The following COX7B2 variants were observed in gnomAD, a reference collection of about 807,000 sequenced individuals.
The protein encoded by COX7B2 is cytochrome c oxidase subunit 7B2, mitochondrial.
For missense variants in COX7B2, 109 were observed against 95.9 expected (o/e 1.14, Z -0.57); for synonymous variants, 37 against 32.1 (o/e 1.15, Z -0.51).
intron 1 of COX7B2, among the ~76,000 whole-genome samples, chr4:46,904,611 T>C (rs927610617): frequency 1.3e-5 from 2 of 152,134 alleles, no homozygotes; most frequent in African/African-American, 4.8e-5. Flanking sequence ...GTACAACATA[T>C]ACAGGGAGAA....
At chr4:46,872,343 G>A (rs55676774) in intron 1 of COX7B2, among the ~76,000 whole-genome samples, 57,848 of 151,772 alleles carry the variant, frequency 0.38, 11,132 homozygotes, top group South Asian at 0.49. Flanking sequence ...TGGGAGGAAG[G>A]AAAGGAGCAG....
intron 2 of COX7B2, among the ~76,000 whole-genome samples, chr4:46,830,141 T>A (rs1156887828): frequency 6.6e-6 from 1 of 151,590 alleles, no homozygotes; most frequent in Non-Finnish European, 1.5e-5. Context: ...CTGGCCAACA[T>A]GGTGAAACCC....
intron 2 of COX7B2, among the ~76,000 whole-genome samples, chr4:46,770,509 CATAAG>C (rs1380056565): frequency 6.6e-6 from 1 of 151,858 alleles, no homozygotes; most frequent in Non-Finnish European, 1.5e-5. Flanking sequence ...CATATGGAAC[CATAAG>C]ATAAAAGAAT....
chr4:46,875,149 CA>C (rs1376578964), intron 1 of COX7B2, among the ~76,000 whole-genome samples: 1 of 152,142 alleles, frequency 6.6e-6, no homozygotes, highest in African/African-American at 2.4e-5. Context: ...CTTTCACTAC[CA>C]GTTCTTTGTA....
chr4:46,778,620 T>A (rs1717284462), intron 2 of COX7B2, among the ~76,000 whole-genome samples: 1 of 152,198 alleles, frequency 6.6e-6, no homozygotes, highest in African/African-American at 2.4e-5. Flanking sequence ...TTGATGCTAA[T>A]GTGTGAGATG....
intron 2 of COX7B2, among the ~76,000 whole-genome samples, chr4:46,775,203 T>G (rs572439545): frequency 6.6e-6 from 1 of 152,126 alleles, no homozygotes; most frequent in African/African-American, 2.4e-5. Context: ...ATATTCTTTA[T>G]GAAACATAAG....
At chr4:46,858,400 G>C (rs113997636) in intron 1 of COX7B2, among the ~76,000 whole-genome samples, 20 of 151,984 alleles carry the variant, frequency 1.3e-4, no homozygotes, top group Admixed American at 1.3e-4. Flanking sequence ...TGGCCACATC[G>C]CTTATATTTT....
intron 2 of COX7B2, among the ~76,000 whole-genome samples, chr4:46,778,808 T>C (rs1174354528): frequency 2.0e-5 from 3 of 152,136 alleles, no homozygotes; most frequent in African/African-American, 7.2e-5. Flanking sequence ...TGAAACTAAA[T>C]TTTCACTGTA....
At chr4:46,908,763 C>A (rs1336088326) in intron 1 of COX7B2, among the ~76,000 whole-genome samples, 1 of 103,728 alleles carries the variant, frequency 9.6e-6, no homozygotes, top group African/African-American at 3.4e-5. Context: ...AAAATCTGGC[C>A]GGGCGCAGTG....
Position 46,751,985 on chromosome 4 carries a change from T to C in COX7B2, c.-49-16744A>G, listed in dbSNP as rs565074212. On this transcript the variant is annotated intron_variant, in intron 2 of 2. Coordinates refer to ENST00000355591, the MANE Select transcript of COX7B2 (RefSeq NM_130902.3). The stretch of plus-strand genomic sequence containing the variant: ...AATTCGTAGCTTGATGGGGATGGCA[T>C]TGAATCTATAAGTTACCTTGGGCAG... 5.3e-5 allele frequency among the ~76,000 whole-genome samples: 8 copies of C among 152,282 alleles called. No homozygotes were observed. The South Asian group carries it at 1.7e-3, about 32-fold the overall frequency.
chr4:46,777,987 T>A (rs1717250461), intron 2 of COX7B2, among the ~76,000 whole-genome samples: 1 of 152,056 alleles, frequency 6.6e-6, no homozygotes. Context: ...TGTACTGACA[T>A]GGTGTCTGGC....
intron 2 of COX7B2, among the ~76,000 whole-genome samples, chr4:46,766,553 T>A (rs1004459685): frequency 2.0e-5 from 3 of 151,658 alleles, no homozygotes; most frequent in Non-Finnish European, 4.4e-5. Context: ...TAAAAAAAAA[T>A]TAGCCAGACG....
chr4:46,893,613 G>T (rs755162059), intron 1 of COX7B2, among the ~76,000 whole-genome samples: 17 of 152,098 alleles, frequency 1.1e-4, no homozygotes, highest in Admixed American at 3.3e-4. Flanking sequence ...AATGCTAGAG[G>T]CTTATTCATG....
At chr4:46,778,797 G>A (rs1389461859) in intron 2 of COX7B2, among the ~76,000 whole-genome samples, 1 of 152,076 alleles carries the variant, frequency 6.6e-6, no homozygotes. Context: ...AGAATAATCA[G>A]TGAAACTAAA....
chr4:46,882,304 C>G (rs1289800989), intron 1 of COX7B2, among the ~76,000 whole-genome samples: 1 of 152,106 alleles, frequency 6.6e-6, no homozygotes, highest in African/African-American at 2.4e-5. Flanking sequence ...AAAGGTCTAT[C>G]AGATCCATCT....
chr4:46,735,685 C>G (rs1358301202), intron 2 of COX7B2, among the ~76,000 whole-genome samples: 2 of 152,160 alleles, frequency 1.3e-5, no homozygotes, highest in South Asian at 2.1e-4. Context: ...TACCTTCCCC[C>G]TCCTACAGGC....
chr4:46,798,487 TCA>T (rs1718478152), intron 2 of COX7B2, among the ~76,000 whole-genome samples: 1 of 152,160 alleles, frequency 6.6e-6, no homozygotes, highest in Non-Finnish European at 1.5e-5. Flanking sequence ...ACTTAAAGTG[TCA>T]CTCAGAGATA....
chr4:46,824,654 T>TAAA (rs34090448), intron 2 of COX7B2, among the ~76,000 whole-genome samples: 9 of 130,270 alleles, frequency 6.9e-5, no homozygotes, highest in African/African-American at 2.0e-4. Flanking sequence ...ACTGTTTGTG[T>TAAA]AAAAAAAAAA....
intron 1 of COX7B2, among the ~76,000 whole-genome samples, chr4:46,896,586 C>A (rs1719773669): frequency 6.6e-6 from 1 of 151,980 alleles, no homozygotes; most frequent in Non-Finnish European, 1.5e-5. Flanking sequence ...AGTGGAAAAA[C>A]CTTCCTCTGG....
Sources: allele counts gnomAD v4.1 joint callset (sites outside exome capture counted in the v4.1 genomes callset), GRCh38; gene constraint gnomAD v4.1.1; transcripts MANE v1.5; gene names NCBI Gene and HGNC (gene_info 2026-07-23, HGNC 2026-07-21).